UBE3A: variants seen among roughly 807,000 people sequenced by gnomAD.
UBE3A encodes ubiquitin protein ligase E3A.
Under a neutral mutation model 83.4 loss-of-function variants are expected in UBE3A, and 6 were observed. The observed-to-expected ratio is 0.07, with a 90% CI of 0.04 to 0.14. The LOEUF is 0.14. UBE3A is among the 10% of genes least tolerant of loss of function. UBE3A has a pLI of 1.00. For missense variants in UBE3A, 456 were observed against 1,036.1 expected (o/e 0.44, Z 7.69); for synonymous variants, 337 against 355.4 (o/e 0.95, Z 0.58).
intron 12 of UBE3A, 59 bp from the exon 13 acceptor site, chr15:25,339,316 G>T (rs2074329408): frequency 1.3e-6 from 2 of 1,584,366 alleles, no homozygotes; most frequent in Non-Finnish European, 8.6e-7. Flanking sequence ...AATACACTTA[G>T]AATTAAATGC....
At chr15:25,348,034 C>T (rs1178955204) in intron 11 of UBE3A, among the ~76,000 whole-genome samples, 1 of 151,406 alleles carries the variant, frequency 6.6e-6, no homozygotes, top group Non-Finnish European at 1.5e-5. Flanking sequence ...ATCATGCAAA[C>T]ATTAATTTAA....
At position 25,356,905 on chromosome 15, in the gene UBE3A, A is replaced by C; in HGVS notation, c.1754-9T>G. ...ATCGTATGTGAACATACCTATAAGAAATGATTTTTAAAAATACATTACTTT... is the reference window on the plus strand; with the variant it reads ...ATCGTATGTGAACATACCTATAAGACATGATTTTTAAAAATACATTACTTT... On this transcript the variant is annotated splice_polypyrimidine_tract_variant and intron_variant, in intron 7 of 12. Transcript: ENST00000648336. 6.2e-7 allele frequency: 1 copy of C among 1,603,488 alleles called. No individual in the cohort carries two copies. Among genetic ancestry groups the C allele is most frequent in the Non-Finnish European group, 8.5e-7 (1 of 1,171,228 alleles).
chr15:25,427,924 G>A (rs1268449584), intron 1 of UBE3A, among the ~76,000 whole-genome samples: 1 of 151,948 alleles, frequency 6.6e-6, no homozygotes, highest in Admixed American at 6.6e-5. Flanking sequence ...ATAAAACCCT[G>A]TAATTTGCAG....
At chr15:25,413,070 T>C (rs1206884005) in intron 1 of UBE3A, 2 of 439,808 alleles carry the variant, frequency 4.5e-6, no homozygotes, top group Non-Finnish European at 9.0e-6. Context: ...TAGGAACACA[T>C]AATCATGGAG....
Position 25,371,504 on chromosome 15 carries a change from A to C in UBE3A, c.670T>G (p.Leu224Val). The C allele has an allele frequency of 6.2e-7, 1 of 1,614,042 alleles. No individual in the cohort carries two copies. The highest frequency in any genetic ancestry group is 8.5e-7 in the Non-Finnish European group (1 of 1,180,010). ...TCCACAGACACATCATCAGGGCCTA[A>C]TTTTTGCAAATTGTTGTCTCCCTGT... is the stretch of plus-strand genomic sequence containing the variant. ...SSQGDNNLQK[L>V]GPDDVSVDID... Residue 224 changes from leucine (L) to valine (V), a missense_variant, in exon 6 of 13, where the codon TTA becomes GTA. Physicochemically the swap from Leu to Val is conservative, Grantham distance 32 (BLOSUM62 1). Coordinates refer to ENST00000648336, the MANE Select transcript of UBE3A (RefSeq NM_130839.5). The surrounding 1 kb of genome is among the most constrained non-coding windows in gnomAD (Gnocchi z 5.3).
intron 4 of UBE3A, among the ~76,000 whole-genome samples, chr15:25,396,763 A>G (rs1208417297): frequency 6.6e-6 from 1 of 152,180 alleles, no homozygotes; most frequent in Non-Finnish European, 1.5e-5. Flanking sequence ...GTTGTTAAAA[A>G]CACTTGTTTA....
chr15:25,434,893 G>A (rs1032288143), intron 1 of UBE3A, among the ~76,000 whole-genome samples: 3 of 151,768 alleles, frequency 2.0e-5, no homozygotes, highest in Non-Finnish European at 4.4e-5. Context: ...CCAGAAGACA[G>A]AATGATAATC....
intron 1 of UBE3A, 66 bp from the exon 2 acceptor site, chr15:25,412,037 A>G (rs550255725): frequency 6.6e-6 from 1 of 152,352 alleles, no homozygotes; most frequent in African/African-American, 2.4e-5. Flanking sequence ...TCAAAAAAAA[A>G]GGTACTAAAT....
chr15:25,415,384 T>G (rs932978006), intron 1 of UBE3A, among the ~76,000 whole-genome samples: 10 of 152,342 alleles, frequency 6.6e-5, no homozygotes, highest in African/African-American at 2.4e-4. Context: ...CCAGCACTAC[T>G]GCCCACTATA....
intron 6 of UBE3A, among the ~76,000 whole-genome samples, chr15:25,362,684 G>A (rs926655650): frequency 6.6e-6 from 1 of 152,138 alleles, no homozygotes; most frequent in Non-Finnish European, 1.5e-5. Flanking sequence ...TCAAGCTACG[G>A]AGTATACAGA....
At chr15:25,339,334 T>G in intron 12 of UBE3A, 77 bp from the exon 13 acceptor site, 1 of 1,562,982 alleles carries the variant, frequency 6.4e-7, no homozygotes, top group Non-Finnish European at 8.7e-7. Flanking sequence ...TGCTCCTATT[T>G]TTAGATTGTA....
chr15:25,385,604 C>A (rs2082976086), intron 4 of UBE3A, among the ~76,000 whole-genome samples: 2 of 152,054 alleles, frequency 1.3e-5, no homozygotes, highest in African/African-American at 4.8e-5. Context: ...AGTCACCACT[C>A]CATCCTAACA....
intron 1 of UBE3A, among the ~76,000 whole-genome samples, chr15:25,428,667 A>G (rs1892138807): frequency 6.6e-6 from 1 of 152,158 alleles, no homozygotes; most frequent in Non-Finnish European, 1.5e-5. Context: ...CCTTTTACCT[A>G]CGATTCAGAA....
intron 6 of UBE3A, among the ~76,000 whole-genome samples, chr15:25,365,781 A>C (rs1384932833): frequency 6.6e-6 from 1 of 151,936 alleles, no homozygotes; most frequent in Non-Finnish European, 1.5e-5. Context: ...AAAAGAAAGA[A>C]AGGCTAGCTT....
chr15:25,354,312 T>C (rs781544724), intron 11 of UBE3A, 41 bp downstream of exon 11: 1 of 1,593,094 alleles, frequency 6.3e-7, no homozygotes, highest in Admixed American at 1.7e-5. Context: ...ACACACCCCT[T>C]TGGTGAATCA....
chr15:25,378,119 C>T (rs537218242), intron 4 of UBE3A, among the ~76,000 whole-genome samples: 7 of 152,040 alleles, frequency 4.6e-5, no homozygotes, highest in Non-Finnish European at 5.9e-5. Flanking sequence ...TGAATGGCCC[C>T]GAGATTTACT....
At chr15:25,413,402 C>G (rs1204303558) in intron 1 of UBE3A, among the ~76,000 whole-genome samples, 1 of 152,032 alleles carries the variant, frequency 6.6e-6, no homozygotes, top group Non-Finnish European at 1.5e-5. Flanking sequence ...TAACACCCAA[C>G]ACTTCTGTTC....
intron 4 of UBE3A, among the ~76,000 whole-genome samples, chr15:25,395,996 A>G (rs1214660350): frequency 1.3e-5 from 2 of 152,250 alleles, no homozygotes; most frequent in East Asian, 3.9e-4. Context: ...CGAGGTCAGG[A>G]GTTCAAGACC....
intron 6 of UBE3A, among the ~76,000 whole-genome samples, chr15:25,365,185 T>G (rs185686253): frequency 1.8e-3 from 269 of 152,114 alleles, no homozygotes; most frequent in Non-Finnish European, 3.0e-3. Context: ...AGGGAGTTCA[T>G]TTTTTAAAAA....
Sources: allele counts gnomAD v4.1 joint callset (sites outside exome capture counted in the v4.1 genomes callset), GRCh38; gene constraint gnomAD v4.1.1; non-coding constraint Gnocchi (gnomAD v3.1); transcripts MANE v1.5; gene names NCBI Gene and HGNC (gene_info 2026-07-23, HGNC 2026-07-21).